CRPPA: variants seen among roughly 807,000 people sequenced by gnomAD.
The protein encoded by CRPPA is D-ribitol-5-phosphate cytidylyltransferase.
A neutral mutation model predicts 52.0 loss-of-function variants in CRPPA; 43 were observed. The ratio of observed to expected loss-of-function variants is 0.83; its 90% CI spans 0.65 to 1.07. The LOEUF is 1.07. CRPPA is among the 50% of genes least tolerant of loss of function. CRPPA has a pLI of 0.00. For missense variants in CRPPA, 629 were observed against 551.7 expected (o/e 1.14, Z -1.40); for synonymous variants, 250 against 203.5 (o/e 1.23, Z -1.94).
At chr7:16,180,490 T>A (rs75414020) in intron 9 of CRPPA, among the ~76,000 whole-genome samples, 6,014 of 152,210 alleles carry the variant, frequency 0.04, 259 homozygotes, top group South Asian at 0.2. Context: ...TTATAGATAA[T>A]GTAATGGTAG....
intron 8 of CRPPA, among the ~76,000 whole-genome samples, chr7:16,252,164 G>A (rs1783473947): frequency 6.6e-6 from 1 of 151,990 alleles, no homozygotes; most frequent in Non-Finnish European, 1.5e-5. Context: ...TAAAATACTG[G>A]CAAACGATAT....
chr7:16,194,674 A>G (rs1286716028), intron 9 of CRPPA, among the ~76,000 whole-genome samples: 3 of 152,112 alleles, frequency 2.0e-5, no homozygotes, highest in Non-Finnish European at 4.4e-5. Flanking sequence ...ACACAAACCA[A>G]TTGAATTGCA....
chr7:16,160,020 T>C (rs897216042), intron 9 of CRPPA, among the ~76,000 whole-genome samples: 30 of 151,316 alleles, frequency 2.0e-4, no homozygotes, highest in African/African-American at 6.8e-4. Context: ...CTTTTTGATG[T>C]TTTTTTTTCT....
Position 16,323,030 on chromosome 7 carries a change from C to T in CRPPA, c.685-14403G>A, listed in dbSNP as rs191794740. Among the ~76,000 whole-genome samples the T allele has an allele frequency of 1.1e-3, 172 of 152,136 alleles. 1 individual carries two copies. Among genetic ancestry groups the T allele is most frequent in the African/African-American group, 3.9e-3 (162 of 41,508 alleles). On this transcript the variant is annotated intron_variant, in intron 3 of 9. Transcript: ENST00000407010. ...TATCATGAGAACAGCATGGGGGAAC[C>T]GACCCTATGATCTAATTACTTCCAC... is the stretch of plus-strand genomic sequence containing the variant.
In CRPPA at chr7:16,406,213, T is replaced by C. The variant is rs765435429; in HGVS notation, c.382A>G (p.Arg128Gly). ...GCTTTTAGTCCATTGAAAATTGACC[T>C]GTGGCGGGTCACTCCAGCTTCGACC... ...SLVEAGVTRH[R>G]SIFNGLKALA... Residue 128 changes from arginine to glycine, a missense_variant, in exon 2 of 10, where the codon AGG (arginine) becomes GGG (glycine). Transcript: ENST00000407010. The C allele has an allele frequency of 1.2e-6, 2 of 1,614,038 alleles. No homozygotes were observed. Among genetic ancestry groups the C allele is most frequent in the Non-Finnish European group, 1.7e-6 (2 of 1,179,890 alleles).
chr7:16,382,699 T>A (rs1249643227), intron 2 of CRPPA, among the ~76,000 whole-genome samples: 2 of 152,038 alleles, frequency 1.3e-5, no homozygotes, highest in East Asian at 1.9e-4. Context: ...TTCTTTTTAT[T>A]CTTTTTTCTC....
intron 9 of CRPPA, among the ~76,000 whole-genome samples, chr7:16,110,343 T>C (rs1304655784): frequency 6.6e-6 from 1 of 152,098 alleles, no homozygotes; most frequent in East Asian, 1.9e-4. Context: ...AAAATACCCC[T>C]TCTACTCAGA....
At chr7:16,352,430 A>AT (rs1446197310) in intron 3 of CRPPA, among the ~76,000 whole-genome samples, 4 of 152,186 alleles carry the variant, frequency 2.6e-5, no homozygotes, top group African/African-American at 4.8e-5. Flanking sequence ...ATTTAAAAAA[A>AT]AAATAAATGT....
intron 8 of CRPPA, among the ~76,000 whole-genome samples, chr7:16,225,071 A>C (rs1782612927): frequency 6.6e-6 from 1 of 152,140 alleles, no homozygotes; most frequent in Admixed American, 6.6e-5. Context: ...AAGGTAGTAA[A>C]CAAAACACAT....
At chr7:16,217,080 G>A (rs1342114213) in intron 8 of CRPPA, among the ~76,000 whole-genome samples, 76 of 150,242 alleles carry the variant, frequency 5.1e-4, no homozygotes, top group African/African-American at 1.6e-3. Flanking sequence ...CTCCCAGCAC[G>A]CAGCTGGAGA....
Position 16,262,972 on chromosome 7 carries a change from A to C in CRPPA, c.934-3960T>G, listed in dbSNP as rs1583476385. 4.6e-5 allele frequency among the ~76,000 whole-genome samples: 7 copies of C among 152,336 alleles called. No homozygotes were observed. In the East Asian group the frequency reaches 1.3e-3, roughly 29 times the overall value. On this transcript the variant is annotated intron_variant, in intron 6 of 9. Transcript: ENST00000407010. ...TTGTTTTTAAAGCAATGGAGAAGGAAGATTTTATGAATGATCTTTATCATA... is the reference window on the plus strand; with the variant it reads ...TTGTTTTTAAAGCAATGGAGAAGGACGATTTTATGAATGATCTTTATCATA...
At chr7:16,228,512 G>C (rs1318184016) in intron 8 of CRPPA, among the ~76,000 whole-genome samples, 1 of 151,774 alleles carries the variant, frequency 6.6e-6, no homozygotes, top group African/African-American at 2.4e-5. Flanking sequence ...CCATTTGTTA[G>C]TCTCAAGGAA....
At chr7:16,220,719 T>C (rs568600211) in intron 8 of CRPPA, among the ~76,000 whole-genome samples, 1 of 149,032 alleles carries the variant, frequency 6.7e-6, no homozygotes, top group East Asian at 2.0e-4. Flanking sequence ...ATAAAATACC[T>C]AGGAATCCAA....
At chr7:16,258,024 C>T (rs1783689167) in intron 8 of CRPPA, among the ~76,000 whole-genome samples, 1 of 152,020 alleles carries the variant, frequency 6.6e-6, no homozygotes, top group South Asian at 2.1e-4. Flanking sequence ...TTTTTCCTCA[C>T]ATTAACATCT....
Position 16,421,190 on chromosome 7 carries a change from G to A in CRPPA, c.133C>T (p.Gln45Ter). 7.4e-7 allele frequency: 1 copy of A among 1,342,890 alleles called. No individual in the cohort carries two copies. The highest frequency in any genetic ancestry group is 9.6e-7 in the Non-Finnish European group (1 of 1,041,610). The allele number at this position is 1,342,890 out of a possible 1,614,324, so 83.2% of individuals were successfully genotyped here. A position where few individuals can be genotyped will look rare whatever the true frequency, so the allele number is the denominator to read the frequency against. Reference sequence around the variant, plus strand: ...GCAGGCAACACAGCTGCCACGGCTTGCGGGTGGCGCCCGGGCTCGGTCCCG... The same window carrying A: ...GCAGGCAACACAGCTGCCACGGCTTACGGGTGGCGCCCGGGCTCGGTCCCG... ...VAGTEPGRHP[Q>*]AVAAVLPAGG... Residue 45 changes from glutamine (Q) to a stop codon, truncating the protein, a stop_gained, in exon 1 of 10, where the codon CAA becomes TAA. Coordinates refer to ENST00000407010, the MANE Select transcript of CRPPA (RefSeq NM_001101426.4). LOFTEE classifies it high-confidence loss of function.
At chr7:16,168,175 C>A (rs1781105440) in intron 9 of CRPPA, among the ~76,000 whole-genome samples, 1 of 152,108 alleles carries the variant, frequency 6.6e-6, no homozygotes, top group African/African-American at 2.4e-5. Flanking sequence ...CCAAAAAATA[C>A]AAACATGGGT....
At chr7:16,126,333 A>G (rs1483821655) in intron 9 of CRPPA, among the ~76,000 whole-genome samples, 2 of 152,184 alleles carry the variant, frequency 1.3e-5, no homozygotes. Context: ...CCTAGAAGGA[A>G]AAAGGATTCC....
At chr7:16,353,628 T>C (rs1786217524) in intron 3 of CRPPA, among the ~76,000 whole-genome samples, 1 of 152,092 alleles carries the variant, frequency 6.6e-6, no homozygotes, top group Admixed American at 6.5e-5. Flanking sequence ...GGCGGGTGGA[T>C]CACCTGAGGT....
At chr7:16,150,937 G>A (rs183136346) in intron 9 of CRPPA, among the ~76,000 whole-genome samples, 1 of 152,148 alleles carries the variant, frequency 6.6e-6, no homozygotes, top group African/African-American at 2.4e-5. Flanking sequence ...CCATTCATAA[G>A]GGTAGCTTTA....
Sources: allele counts gnomAD v4.1 joint callset (sites outside exome capture counted in the v4.1 genomes callset), GRCh38; gene constraint gnomAD v4.1.1; transcripts MANE v1.5; gene names NCBI Gene and HGNC (gene_info 2026-07-23, HGNC 2026-07-21).